TIFAB: variants seen among roughly 807,000 people sequenced by gnomAD.
TIFAB encodes TIFA inhibitor.
For synonymous variants in TIFAB, 116 were observed against 95.2 expected (o/e 1.22, Z -1.27); for missense variants, 222 against 203.6 (o/e 1.09, Z -0.55).
At position 135,448,986 on chromosome 5, in the gene TIFAB, C is replaced by A. The variant is rs148985858; in HGVS notation, c.*468G>T. ...CAAATGTAATTGTTACATGTGTCCACGCATTCCTGGTGCAACCTCAAACTC... is the reference window on the plus strand; with the variant it reads ...CAAATGTAATTGTTACATGTGTCCAAGCATTCCTGGTGCAACCTCAAACTC... On this transcript the variant is annotated 3_prime_UTR_variant, in exon 2 of 2. Coordinates refer to ENST00000537858, the MANE Select transcript of TIFAB (RefSeq NM_001099221.2). 8.0e-5 allele frequency: 14 copies of A among 173,914 alleles called. No homozygotes were observed. The highest frequency in any genetic ancestry group is 1.6e-4 in the Non-Finnish European group (13 of 79,064). 10.8% of individuals were successfully genotyped at this position (173,914 alleles called of 1,614,324 possible).
rs1442467414 is a variant in TIFAB at position 135,446,456 on chromosome 5, T to C, written c.*2998A>G. 1 of 1,613,750 alleles carries C rather than the reference T, an allele frequency of 6.2e-7. No individual in the cohort carries two copies. The highest frequency in any genetic ancestry group is 8.5e-7 in the Non-Finnish European group (1 of 1,179,760). The stretch of plus-strand genomic sequence containing the variant: ...TTGGGAGGAACTCACCCGCCTGCTC[T>C]GGCTGTCTGAGCAGGTGAGGGATAG... On this transcript the variant is annotated 3_prime_UTR_variant, in exon 2 of 2. Coordinates refer to ENST00000537858, the MANE Select transcript of TIFAB (RefSeq NM_001099221.2).
At chr5:135,451,656 G>A (rs190523074) in intron 1 of TIFAB, among the ~76,000 whole-genome samples, 38 of 152,046 alleles carry the variant, frequency 2.5e-4, no homozygotes, top group Non-Finnish European at 4.3e-4. Context: ...GCTAATTTTT[G>A]TATTTTCAGT....
In TIFAB at chr5:135,446,018, A is replaced by G. The variant is rs1769249393; in HGVS notation, c.*3436T>C. 1 of 188,724 alleles carries G rather than the reference A, an allele frequency of 5.3e-6. No homozygotes were observed. 11.7% of individuals were successfully genotyped at this position (188,724 alleles called of 1,614,324 possible). A position where few individuals can be genotyped will look rare whatever the true frequency, so the allele number is the denominator to read the frequency against. On this transcript the variant is annotated 3_prime_UTR_variant, in exon 2 of 2. Coordinates refer to ENST00000537858, the MANE Select transcript of TIFAB (RefSeq NM_001099221.2). ...TTGTGCCTGAGTGTAGACTGGGTCC[A>G]TGTGCCTACATGCATTCAGTTCCTC... is the stretch of plus-strand genomic sequence containing the variant.
intron 1 of TIFAB, among the ~76,000 whole-genome samples, chr5:135,450,947 C>T (rs1769353274): frequency 1.3e-5 from 2 of 152,226 alleles, no homozygotes; most frequent in Admixed American, 1.3e-4. Context: ...TCCCCCAGGA[C>T]ACCTGGCCAA....
In TIFAB at chr5:135,445,399, A is replaced by G. The variant is rs1196589239; in HGVS notation, c.*4055T>C. On this transcript the variant is annotated 3_prime_UTR_variant, in exon 2 of 2. Transcript: ENST00000537858. ...GCTGAGGCCTACAGGAGGCAGAGAC[A>G]TTCACCTCCACTTCCTGTCTGCCCA... 6.6e-6 allele frequency: 1 copy of G among 152,532 alleles called. No individual in the cohort carries two copies. The highest frequency in any genetic ancestry group is 2.4e-5 in the African/African-American group (1 of 41,432). 9.4% of individuals were successfully genotyped at this position (152,532 alleles called of 1,614,324 possible).
chr5:135,449,912 C>T lies in TIFAB; in HGVS notation c.28G>A (p.Val10Met), dbSNP rs926686640. The T allele has an allele frequency of 1.1e-5, 17 of 1,527,890 alleles. No homozygotes were observed. The highest frequency in any genetic ancestry group is 1.5e-5 in the Non-Finnish European group (17 of 1,137,224). 94.6% of individuals were successfully genotyped at this position (1,527,890 alleles called of 1,614,324 possible). The change falls in exon 2 of 2, where the codon GTG becomes ATG. Residue 10 changes from valine to methionine, a missense_variant. Transcript: ENST00000537858. ...CCCAGCGTGGGATGGTACAGGCTCA[C>T]TCGCAGGACGGTGAGGGGCTTCTCC... MEKPLTVLR[V>M]SLYHPTLGPS...
At position 135,449,625 on chromosome 5, in the gene TIFAB, G is replaced by C; in HGVS notation, c.315C>G (p.Val105=). The change falls in exon 2 of 2, where the codon GTC becomes GTG. Residue 105 remains valine (V), a synonymous_variant. Transcript: ENST00000537858. ...EQVPLSTVNR[V]SFSGIQMLVR... ...CCAGCATCTGGATGCCTGAGAAGGA[G>C]ACCCTGTTGACGGTGCTCAGGGGGA... 1 of 1,614,216 alleles carries C rather than the reference G, an allele frequency of 6.2e-7. No homozygotes were observed. The highest frequency in any genetic ancestry group is 8.5e-7 in the Non-Finnish European group (1 of 1,180,048).
chr5:135,451,069 G>A (rs991662706), intron 1 of TIFAB, among the ~76,000 whole-genome samples: 2 of 152,192 alleles, frequency 1.3e-5, no homozygotes, highest in Admixed American at 6.5e-5. Flanking sequence ...CAAGGGCTGG[G>A]TATGGTCTGG....
At position 135,447,663 on chromosome 5, in the gene TIFAB, T is replaced by G. The variant is rs1769295553; in HGVS notation, c.*1791A>C. 6.1e-6 allele frequency: 1 copy of G among 164,552 alleles called. No homozygotes were observed. The highest frequency in any genetic ancestry group is 1.9e-4 in the East Asian group (1 of 5,378). 10.2% of individuals were successfully genotyped at this position (164,552 alleles called of 1,614,324 possible). A position where few individuals can be genotyped will look rare whatever the true frequency, so the allele number is the denominator to read the frequency against. ...AGTTTCCTTATCTGTTAAGTGCAGT[T>G]AATACACACAGCACCTAGCAGAGTG... On this transcript the variant is annotated 3_prime_UTR_variant, in exon 2 of 2. Transcript: ENST00000537858.
intron 1 of TIFAB, among the ~76,000 whole-genome samples, chr5:135,451,565 C>A (rs1769363146): frequency 6.6e-6 from 1 of 151,508 alleles, no homozygotes; most frequent in African/African-American, 2.4e-5. Flanking sequence ...CTCATGGTAG[C>A]CTCCGTCTTC....
chr5:135,446,412 G>C lies in TIFAB; in HGVS notation c.*3042C>G, dbSNP rs1360643713. The C allele has an allele frequency of 1.8e-5, 29 of 1,610,496 alleles. No homozygotes were observed. The highest frequency in any genetic ancestry group is 1.7e-5 in the Admixed American group (1 of 59,948). ...TGGGCTGCCCTGCGGTGGGAGCTGA[G>C]AGAATGCAGTGGAGGTTGTTGGGAG... On this transcript the variant is annotated 3_prime_UTR_variant, in exon 2 of 2. Transcript: ENST00000537858.
Position 135,447,882 on chromosome 5 carries a change from G to A in TIFAB, c.*1572C>T, listed in dbSNP as rs1449399201. ...AGGGAGTTTGCCTTATTCACTTCTG[G>A]TTCAGTTCCGTGGCTTTGCACAGAT... On this transcript the variant is annotated 3_prime_UTR_variant, in exon 2 of 2. Coordinates refer to ENST00000537858, the MANE Select transcript of TIFAB (RefSeq NM_001099221.2). 1 of 152,204 alleles carries A rather than the reference G, an allele frequency of 6.6e-6. No individual in the cohort carries two copies. Among genetic ancestry groups the A allele is most frequent in the East Asian group, 1.9e-4 (1 of 5,180 alleles). 9.4% of individuals were successfully genotyped at this position (152,204 alleles called of 1,614,324 possible). A position where few individuals can be genotyped will look rare whatever the true frequency, so the allele number is the denominator to read the frequency against.
In TIFAB at chr5:135,449,355, T is replaced by G; in HGVS notation, c.*99A>C. 1.3e-6 allele frequency: 2 copies of G among 1,522,628 alleles called. No homozygotes were observed. Among genetic ancestry groups the G allele is most frequent in the South Asian group, 2.5e-5 (2 of 79,482 alleles). The allele number at this position is 1,522,628 out of a possible 1,614,324, so 94.3% of individuals were successfully genotyped here. On this transcript the variant is annotated 3_prime_UTR_variant, in exon 2 of 2. Transcript: ENST00000537858. ...CAGAGTGCACTGTCTGGGGGTTCCC[T>G]CTGGAGCTGTATTTCTGTTCCTCCT...
In TIFAB at chr5:135,449,930, G is replaced by A. The variant is rs756516457; in HGVS notation, c.10C>T (p.Pro4Ser). The change falls in exon 2 of 2, where the codon CCC becomes TCC. Residue 4 changes from proline (P) to serine (S), a missense_variant. Transcript: ENST00000537858. ...AGGCTCACTCGCAGGACGGTGAGGGGCTTCTCCATGGAAGAAGTCCTGGGA... is the reference window on the plus strand; with the variant it reads ...AGGCTCACTCGCAGGACGGTGAGGGACTTCTCCATGGAAGAAGTCCTGGGA... MEK[P>S]LTVLRVSLYH... is the part of the protein sequence containing the mutation. 5.3e-6 allele frequency: 8 copies of A among 1,519,334 alleles called. No homozygotes were observed. The highest frequency in any genetic ancestry group is 2.8e-5 in the African/African-American group (2 of 71,990). The allele number at this position is 1,519,334 out of a possible 1,614,324, so 94.1% of individuals were successfully genotyped here.
chr5:135,451,685 T>A (rs1188030126), intron 1 of TIFAB, among the ~76,000 whole-genome samples: 1 of 152,120 alleles, frequency 6.6e-6, no homozygotes, highest in Non-Finnish European at 1.5e-5. Flanking sequence ...GGTTTCGCCA[T>A]GTTGGCCAGG....
chr5:135,449,666 T>C lies in TIFAB; in HGVS notation c.274A>G (p.Arg92Gly), dbSNP rs1769331676. The change falls in exon 2 of 2, where the codon AGG (arginine) becomes GGG (glycine). Residue 92 changes from arginine to glycine, a missense_variant. By Grantham distance (125) the Arg-to-Gly change is moderately radical (BLOSUM62 -2). Coordinates refer to ENST00000537858, the MANE Select transcript of TIFAB (RefSeq NM_001099221.2). ...GCVWVNGLTL[R>G]YLEQVPLSTV... ...CTCAGGGGGACCTGCTCCAGGTACCTCAGCGTCAGCCCATTGACCCACACA... is the reference window on the plus strand; with the variant it reads ...CTCAGGGGGACCTGCTCCAGGTACCCCAGCGTCAGCCCATTGACCCACACA... 1 of 1,614,162 alleles carries C rather than the reference T, an allele frequency of 6.2e-7. No individual in the cohort carries two copies. Among genetic ancestry groups the C allele is most frequent in the Non-Finnish European group, 8.5e-7 (1 of 1,180,036 alleles).
Position 135,447,046 on chromosome 5 carries a change from A to G in TIFAB, c.*2408T>C, listed in dbSNP as rs1394302187. On this transcript the variant is annotated 3_prime_UTR_variant, in exon 2 of 2. Transcript: ENST00000537858. Reference sequence around the variant, plus strand: ...CTCCTCTCTCCAGTCTTTGGTGTCCAGGTACAGTCTCCAGGCCGTGGCTTC... The same window carrying G: ...CTCCTCTCTCCAGTCTTTGGTGTCCGGGTACAGTCTCCAGGCCGTGGCTTC... The G allele has an allele frequency of 6.2e-7, 1 of 1,613,918 alleles. No homozygotes were observed. The highest frequency in any genetic ancestry group is 2.2e-5 in the East Asian group (1 of 44,894).
chr5:135,449,239 G>T lies in TIFAB; in HGVS notation c.*215C>A, dbSNP rs72787109. 0.026 allele frequency: 18,388 copies of T among 712,488 alleles called. 322 individuals carry two copies. The highest frequency in any genetic ancestry group is 0.055 in the South Asian group (2,786 of 50,780). 44.1% of individuals were successfully genotyped at this position (712,488 alleles called of 1,614,324 possible). On this transcript the variant is annotated 3_prime_UTR_variant, in exon 2 of 2. Coordinates refer to ENST00000537858, the MANE Select transcript of TIFAB (RefSeq NM_001099221.2). ...TGGTTCATTATGAGCAAGGCAGCCA[G>T]TGGGTTTTGCTTGTCAACCTTGCAT...
At chr5:135,451,911 A>G (rs1409282103) in intron 1 of TIFAB, among the ~76,000 whole-genome samples, 1 of 152,196 alleles carries the variant, frequency 6.6e-6, no homozygotes, top group Non-Finnish European at 1.5e-5. Context: ...CGGCACAGAG[A>G]CCCTGAAAGA....
Sources: allele counts gnomAD v4.1 joint callset (sites outside exome capture counted in the v4.1 genomes callset), GRCh38; gene constraint gnomAD v4.1.1; transcripts MANE v1.5; gene names NCBI Gene and HGNC (gene_info 2026-07-23, HGNC 2026-07-21).